Variants in POLR2K observed in about 807,000 individuals in gnomAD.
POLR2K encodes DNA-directed RNA polymerases I, II, and III subunit RPABC4.
Under a neutral mutation model 10.1 loss-of-function variants are expected in POLR2K, and 9 were observed. That is an observed-to-expected ratio of 0.89 (90% CI 0.54 to 1.56). The LOEUF (loss-of-function observed/expected upper bound fraction) is 1.56, where lower values mean the gene tolerates loss of function less well. Among genes scored for constraint, POLR2K ranks in the 40% most tolerant of loss-of-function variants. POLR2K has a pLI of 0.00. For synonymous variants in POLR2K, 19 were observed against 20.3 expected (o/e 0.94, Z 0.17); for missense variants, 53 against 71.9 (o/e 0.74, Z 0.95).
rs1378383022 is a variant in POLR2K at position 100,151,353 on chromosome 8, A to G, written c.-3A>G. Reference sequence around the variant, plus strand: ...TTTGAGTCTGTGATTTCAGGGGCTAACAATGGACACCCAGAAGGACGTTCA... The same window carrying G: ...TTTGAGTCTGTGATTTCAGGGGCTAGCAATGGACACCCAGAAGGACGTTCA... On this transcript the variant is annotated 5_prime_UTR_variant, in exon 2 of 4. Coordinates refer to ENST00000353107, the MANE Select transcript of POLR2K (RefSeq NM_005034.4). 6.2e-7 allele frequency: 1 copy of G among 1,607,620 alleles called. No homozygotes were observed. The highest frequency in any genetic ancestry group is 8.5e-7 in the Non-Finnish European group (1 of 1,174,006).
chr8:100,153,576 C>G lies in POLR2K; in HGVS notation c.*260C>G, dbSNP rs565918432. The G allele has an allele frequency of 9.0e-6, 3 of 333,792 alleles. No individual in the cohort carries two copies. The highest frequency in any genetic ancestry group is 6.5e-5 in the African/African-American group (3 of 46,480). The allele number at this position is 333,792 out of a possible 1,614,324, so 20.7% of individuals were successfully genotyped here. A position where few individuals can be genotyped will look rare whatever the true frequency, so the allele number is the denominator to read the frequency against. ...AGAGATTAATAATAATGTAATAGAACAATGATAACATACTATAATAAAAGT... is the reference window on the plus strand; with the variant it reads ...AGAGATTAATAATAATGTAATAGAAGAATGATAACATACTATAATAAAAGT... On this transcript the variant is annotated 3_prime_UTR_variant, in exon 4 of 4. Coordinates refer to ENST00000353107, the MANE Select transcript of POLR2K (RefSeq NM_005034.4).
In POLR2K at chr8:100,153,951, C is replaced by T. The variant is rs1563759820; in HGVS notation, c.*635C>T. On this transcript the variant is annotated 3_prime_UTR_variant, in exon 4 of 4. Coordinates refer to ENST00000353107, the MANE Select transcript of POLR2K (RefSeq NM_005034.4). Reference sequence around the variant, plus strand: ...TCATCTGCAGTCCTTGTTAAAAATGCAGGTTTCTAGAACCCTCTGAAGTTC... The same window carrying T: ...TCATCTGCAGTCCTTGTTAAAAATGTAGGTTTCTAGAACCCTCTGAAGTTC... The T allele has an allele frequency of 6.6e-6, 1 of 152,148 alleles. No individual in the cohort carries two copies. The highest frequency in any genetic ancestry group is 1.5e-5 in the Non-Finnish European group (1 of 68,034). 9.4% of individuals were successfully genotyped at this position (152,148 alleles called of 1,614,324 possible). A position where few individuals can be genotyped will look rare whatever the true frequency, so the allele number is the denominator to read the frequency against.
intron 3 of POLR2K, among the ~76,000 whole-genome samples, chr8:100,152,759 T>G (rs994574033): frequency 1.3e-5 from 2 of 152,100 alleles, no homozygotes; most frequent in African/African-American, 2.4e-5. Flanking sequence ...TAGTGTTTTT[T>G]TTTGTTTGTT....
intron 1 of POLR2K, among the ~76,000 whole-genome samples, 160 bp downstream of exon 1, chr8:100,150,869 T>C (rs1394551106): frequency 6.6e-6 from 1 of 152,200 alleles, no homozygotes; most frequent in Non-Finnish European, 1.5e-5. Flanking sequence ...TTTAGATGTT[T>C]AGCCAGTAGG....
intron 3 of POLR2K, among the ~76,000 whole-genome samples, chr8:100,153,051 A>C (rs185028826): frequency 9.9e-4 from 151 of 152,348 alleles, no homozygotes; most frequent in African/African-American, 3.5e-3. Flanking sequence ...TACAGGCGTG[A>C]GCCACTGCGC....
intron 2 of POLR2K, 163 bp from the exon 3 acceptor site, chr8:100,151,661 A>G (rs923923029): frequency 9.5e-5 from 57 of 598,304 alleles, no homozygotes; most frequent in Non-Finnish European, 1.3e-4. Context: ...ATGGCCTACA[A>G]CCTTTTTCTT....
rs1398720577 is a variant in POLR2K, at chr8:100,150,666, G to T, written c.-53G>T. ...TTGGTCTCGACACCTGGACTAGCCG[G>T]GTTGTATTTGGAAACGCGGAGTGAG... On this transcript the variant is annotated 5_prime_UTR_variant, in exon 1 of 4. Transcript: ENST00000353107. 6.6e-6 allele frequency: 1 copy of T among 152,378 alleles called. No homozygotes were observed. The highest frequency in any genetic ancestry group is 2.4e-5 in the African/African-American group (1 of 41,452). The allele number at this position is 152,378 out of a possible 1,614,324, so 9.4% of individuals were successfully genotyped here. A position where few individuals can be genotyped will look rare whatever the true frequency, so the allele number is the denominator to read the frequency against.
intron 2 of POLR2K, 32 bp from the exon 3 acceptor site, chr8:100,151,792 G>T: frequency 1.0e-6 from 1 of 971,138 alleles, no homozygotes; most frequent in Non-Finnish European, 1.6e-6. Context: ...TTTCCTCTTA[G>T]GCATTGAGTA....
intron 3 of POLR2K, chr8:100,152,129 G>T: frequency 1.7e-6 from 1 of 581,394 alleles, no homozygotes; most frequent in Admixed American, 3.6e-5. Flanking sequence ...ATTTTTTAGG[G>T]ATTCTGTGCA....
chr8:100,153,549 C>T lies in POLR2K; in HGVS notation c.*233C>T. 1 of 388,646 alleles carries T rather than the reference C, an allele frequency of 2.6e-6. No individual in the cohort carries two copies. The allele number at this position is 388,646 out of a possible 1,614,324, so 24.1% of individuals were successfully genotyped here. On this transcript the variant is annotated 3_prime_UTR_variant, in exon 4 of 4. Coordinates refer to ENST00000353107, the MANE Select transcript of POLR2K (RefSeq NM_005034.4). The stretch of plus-strand genomic sequence containing the variant: ...AGTATAATGTATAAATTAAGCATAG[C>T]AAGAGATTAATAATAATGTAATAGA...
In POLR2K at chr8:100,153,298, C is replaced by G. The variant is rs1453819867; in HGVS notation, c.159C>G (p.Val53=). ...CCTTAACTCAAATTAATACAGTGGT[C>G]GTTTTTGATGCTCGATGAATGCTGG... ...IMYKKRTKRL[V]VFDAR The change falls in exon 4 of 4, where the codon GTC becomes GTG. Residue 53 remains valine (V), a synonymous_variant. Transcript: ENST00000353107. 1.9e-6 allele frequency: 3 copies of G among 1,607,914 alleles called. No homozygotes were observed. The highest frequency in any genetic ancestry group is 1.3e-5 in the African/African-American group (1 of 74,696).
rs1306198006 is a variant in POLR2K, at chr8:100,153,326, A to AT, written c.*12dup. The AT allele has an allele frequency of 1.9e-6, 3 of 1,606,210 alleles. No individual in the cohort carries two copies. In the Admixed American group the frequency reaches 5.0e-5, roughly 27 times the overall value. ...TTTTGATGCTCGATGAATGCTGGGA[A>AT]TTCAGAGGAATGTCTTCACTTATAC... On this transcript the variant is annotated 3_prime_UTR_variant, in exon 4 of 4. Transcript: ENST00000353107.
chr8:100,153,215 C>A, intron 3 of POLR2K, 79 bp from the exon 4 acceptor site: 4 of 1,026,124 alleles, frequency 3.9e-6, no homozygotes, highest in Admixed American at 2.2e-5. Flanking sequence ...CAGCTTATTG[C>A]AAAGAGAAAG....
intron 1 of POLR2K, 69 bp from the exon 2 acceptor site, chr8:100,151,277 GA>G: frequency 5.9e-6 from 6 of 1,012,844 alleles, no homozygotes; most frequent in South Asian, 1.3e-5. Context: ...CTTTTCCTGA[GA>G]AAAATGGGCC....
chr8:100,153,247 T>C (rs376817856), intron 3 of POLR2K, 47 bp from the exon 4 acceptor site: 12 of 1,462,500 alleles, frequency 8.2e-6, no homozygotes, highest in Non-Finnish European at 8.6e-6. Context: ...CCTTCAGTCT[T>C]AATAATGTTT....
At position 100,153,829 on chromosome 8, in the gene POLR2K, C is replaced by T. The variant is rs1191411822; in HGVS notation, c.*513C>T. On this transcript the variant is annotated 3_prime_UTR_variant, in exon 4 of 4. Transcript: ENST00000353107. ...ATTTTGTATAAAGCAATTTTTTGTTCCATTACGTGACTTTTTGTTTTATTG... is the reference window on the plus strand; with the variant it reads ...ATTTTGTATAAAGCAATTTTTTGTTTCATTACGTGACTTTTTGTTTTATTG... 2 of 152,060 alleles carry T rather than the reference C, an allele frequency of 1.3e-5. No individual in the cohort carries two copies. Among genetic ancestry groups the T allele is most frequent in the Non-Finnish European group, 2.9e-5 (2 of 68,010 alleles). 9.4% of individuals were successfully genotyped at this position (152,060 alleles called of 1,614,324 possible).
chr8:100,151,134 C>T (rs183765277), intron 1 of POLR2K, among the ~76,000 whole-genome samples: 38 of 152,254 alleles, frequency 2.5e-4, no homozygotes, highest in Middle Eastern at 3.4e-3. Flanking sequence ...ATTATAATGG[C>T]CTAACACGTA....
intron 1 of POLR2K, 118 bp from the exon 2 acceptor site, chr8:100,151,229 T>G: frequency 1.3e-6 from 1 of 754,414 alleles, no homozygotes; most frequent in Non-Finnish European, 2.4e-6. Flanking sequence ...CCCATAGGAT[T>G]TGGGGAAAGG....
In POLR2K at chr8:100,153,447, C is replaced by A; in HGVS notation, c.*131C>A. The A allele has an allele frequency of 1.4e-6, 1 of 740,490 alleles. No homozygotes were observed. The allele number at this position is 740,490 out of a possible 1,614,324, so 45.9% of individuals were successfully genotyped here. A position where few individuals can be genotyped will look rare whatever the true frequency, so the allele number is the denominator to read the frequency against. On this transcript the variant is annotated 3_prime_UTR_variant, in exon 4 of 4. Coordinates refer to ENST00000353107, the MANE Select transcript of POLR2K (RefSeq NM_005034.4). ...TCTTCGGGAGATACATTCCAAGGCC[C>A]CCAGTGAACTCCTGAAACCTCAAAC...
Sources: gnomAD v4.1 joint callset for allele counts (sites outside exome capture counted in the v4.1 genomes callset) on GRCh38, gnomAD v4.1.1 for gene constraint, MANE v1.5 for transcripts, NCBI Gene and HGNC (gene_info 2026-07-23, HGNC 2026-07-21) for gene names.